The following TAB1 variants were observed in gnomAD, a reference collection of about 807,000 sequenced individuals.
TAB1 encodes TGF-beta activated kinase 1 (MAP3K7) binding protein 1.
A neutral mutation model predicts 54.5 loss-of-function variants in TAB1; 30 were observed. The ratio of observed to expected loss-of-function variants is 0.55; its 90% CI spans 0.41 to 0.75. TAB1 has a LOEUF of 0.75. TAB1 is among the 30% of genes least tolerant of loss of function. The pLI, the probability that TAB1 is intolerant of heterozygous loss-of-function variation, is 0.00. For synonymous variants in TAB1, 289 were observed against 286.9 expected (o/e 1.01, Z -0.07); for missense variants, 609 against 683.2 (o/e 0.89, Z 1.21).
chr22:39,400,445 G>A (rs983619498), intron 1 of TAB1, among the ~76,000 whole-genome samples: 54 of 151,502 alleles, frequency 3.6e-4, no homozygotes, highest in African/African-American at 1.1e-3. Context: ...AGCTGTCACT[G>A]GGTTCTGGTC....
At chr22:39,422,400 CTTTTTTTTT>C (rs965591327) in intron 8 of TAB1, among the ~76,000 whole-genome samples, 2 of 88,522 alleles carry the variant, frequency 2.3e-5, no homozygotes, top group Admixed American at 1.2e-4. Context: ...CTTCTCATTT[CTTTTTTTTT>C]TTTTTTTTTT....
chr22:39,430,408 T>G lies in TAB1; in HGVS notation c.*186T>G. The stretch of plus-strand genomic sequence containing the variant: ...GCAGACTGGACCTGTGGTTCATACC[T>G]TGTCACCACCCGGGAAGCTGAAGGC... On this transcript the variant is annotated 3_prime_UTR_variant, in exon 11 of 11. Transcript: ENST00000216160. 5 of 1,436,190 alleles carry G rather than the reference T, an allele frequency of 3.5e-6. No individual in the cohort carries two copies. The South Asian group carries it at 7.3e-5, about 21-fold the overall frequency. 89.0% of individuals were successfully genotyped at this position (1,436,190 alleles called of 1,614,324 possible).
Position 39,403,215 on chromosome 22 carries a change from C to T in TAB1, c.33+3380C>T, listed in dbSNP as rs117381085. On this transcript the variant is annotated intron_variant, in intron 1 of 10. Transcript: ENST00000216160. The stretch of plus-strand genomic sequence containing the variant: ...AGTAAAGGGGACAGACAGTGAGCAC[C>T]GAACAGATACAGATCATCTGTGATT... Among the ~76,000 whole-genome samples the T allele has an allele frequency of 6.6e-5, 10 of 152,324 alleles. No individual in the cohort carries two copies. In the East Asian group the frequency reaches 1.5e-3, roughly 23 times the overall value.
At chr22:39,431,982 G>C (rs2145687323), downstream of TAB1, 1 of 632,394 alleles carries the variant, frequency 1.6e-6, no homozygotes, top group African/African-American at 2.0e-5. Flanking sequence ...GGCTCGCCAG[G>C]CTGCTAAGTG....
downstream of TAB1, among the ~76,000 whole-genome samples, chr22:39,434,861 G>C (rs137870709): frequency 4.6e-5 from 7 of 152,332 alleles, no homozygotes; most frequent in African/African-American, 1.4e-4. Context: ...TCCTGCACTC[G>C]GCATTTCAGT....
chr22:39,417,436 T>C (rs976973977), intron 4 of TAB1, among the ~76,000 whole-genome samples: 9 of 152,142 alleles, frequency 5.9e-5, no homozygotes, highest in East Asian at 1.9e-4. Context: ...CTGGCTAACA[T>C]GGTGAAACCC....
At chr22:39,419,439 C>T in intron 6 of TAB1, 80 bp from the exon 7 acceptor site, 1 of 1,223,828 alleles carries the variant, frequency 8.2e-7, no homozygotes, top group Non-Finnish European at 1.2e-6. Context: ...GCCTTCTTCC[C>T]ATGACTGTGT....
At position 39,430,662 on chromosome 22, in the gene TAB1, T is replaced by C. The variant is rs1927550760; in HGVS notation, c.*440T>C. On this transcript the variant is annotated 3_prime_UTR_variant, in exon 11 of 11. Transcript: ENST00000216160. ...CTCCCTCACCTCGGGACAGTAGCCCTCCACTTCTCCAGCCTCTCAGCCCTG... is the reference window on the plus strand; with the variant it reads ...CTCCCTCACCTCGGGACAGTAGCCCCCCACTTCTCCAGCCTCTCAGCCCTG... 9.5e-7 allele frequency: 1 copy of C among 1,058,182 alleles called. No homozygotes were observed. Among genetic ancestry groups the C allele is most frequent in the Non-Finnish European group, 1.1e-6 (1 of 870,994 alleles). 65.5% of individuals were successfully genotyped at this position (1,058,182 alleles called of 1,614,324 possible). A position where few individuals can be genotyped will look rare whatever the true frequency, so the allele number is the denominator to read the frequency against.
intron 1 of TAB1, among the ~76,000 whole-genome samples, chr22:39,413,433 T>C (rs77705507): frequency 2.2e-4 from 34 of 152,090 alleles, no homozygotes; most frequent in African/African-American, 8.2e-4. Context: ...TTTTTTTTTT[T>C]GAGACAGAAT....
intron 4 of TAB1, 60 bp from the exon 5 acceptor site, chr22:39,417,651 G>T: frequency 2.1e-6 from 3 of 1,462,962 alleles, no homozygotes; most frequent in South Asian, 1.5e-5. Flanking sequence ...AGGGAGTGGA[G>T]AGGGCTAGGA....
intron 1 of TAB1, among the ~76,000 whole-genome samples, chr22:39,407,743 CT>C (rs1464378018): frequency 6.6e-6 from 1 of 152,176 alleles, no homozygotes; most frequent in East Asian, 1.9e-4. Context: ...TCTCGGCCTC[CT>C]AAAGTGCTCA....
intron 1 of TAB1, among the ~76,000 whole-genome samples, chr22:39,401,052 AAAAAC>A (rs1224857760): frequency 1.4e-4 from 22 of 151,842 alleles, no homozygotes; most frequent in African/African-American, 4.8e-4. Context: ...AAAAAAAAAA[AAAAAC>A]GAAAGTAAAC....
Position 39,430,866 on chromosome 22 carries a change from G to A in TAB1, c.*644G>A. 1.0e-6 allele frequency: 1 copy of A among 989,524 alleles called. No homozygotes were observed. The highest frequency in any genetic ancestry group is 1.2e-6 in the Non-Finnish European group (1 of 832,260). The allele number at this position is 989,524 out of a possible 1,614,324, so 61.3% of individuals were successfully genotyped here. On this transcript the variant is annotated 3_prime_UTR_variant, in exon 11 of 11. Coordinates refer to ENST00000216160, the MANE Select transcript of TAB1 (RefSeq NM_006116.3). The stretch of plus-strand genomic sequence containing the variant: ...GGTGGAAAGGAGCCAGGGGGAAGTG[G>A]TCTAAGAGACCTGGAACTGCCAGAG...
chr22:39,403,398 A>G (rs1199768573), intron 1 of TAB1, among the ~76,000 whole-genome samples: 2 of 152,212 alleles, frequency 1.3e-5, no homozygotes, highest in Non-Finnish European at 1.5e-5. Context: ...ATTCCTGCCC[A>G]AGGGAGCAGG....
intron 7 of TAB1, among the ~76,000 whole-genome samples, chr22:39,419,849 G>A (rs1262084624): frequency 1.3e-5 from 2 of 152,108 alleles, no homozygotes; most frequent in African/African-American, 2.4e-5. Flanking sequence ...AGTGACACAT[G>A]TGCAGTCAAA....
chr22:39,420,880 C>CTGTGTG lies in TAB1; in HGVS notation c.777-946_777-945insGTGTGT, dbSNP rs1422295272. On this transcript the variant is annotated intron_variant, in intron 7 of 10. Transcript: ENST00000216160. ...AACACCCAGGTGCTGGGGTGTCTCT[C>CTGTGTG]TCTGTGTGTGTGTGTGTGTGTGTGT... 6.0e-4 allele frequency among the ~76,000 whole-genome samples: 56 copies of CTGTGTG among 93,072 alleles called. 12 individuals carry two copies. Among genetic ancestry groups the CTGTGTG allele is most frequent in the African/African-American group, 3.0e-3 (50 of 16,544 alleles). The allele number at this position is 93,072 out of a possible 152,430, so 61.1% of individuals were successfully genotyped here.
intron 10 of TAB1, among the ~76,000 whole-genome samples, chr22:39,429,603 G>A (rs544199784): frequency 3.2e-4 from 48 of 152,092 alleles, no homozygotes; most frequent in Non-Finnish European, 5.6e-4. Flanking sequence ...TCAACCTCCC[G>A]AGCAGCTGGG....
intron 6 of TAB1, among the ~76,000 whole-genome samples, 196 bp from the exon 7 acceptor site, chr22:39,419,323 G>A (rs2145672277): frequency 6.6e-6 from 1 of 152,344 alleles, no homozygotes; most frequent in Middle Eastern, 3.4e-3. Context: ...TCTGAGTGAG[G>A]TGTGTCGTGA....
At chr22:39,422,935 CCTT>C (rs1339408871) in intron 8 of TAB1, among the ~76,000 whole-genome samples, 5 of 151,790 alleles carry the variant, frequency 3.3e-5, no homozygotes, top group African/African-American at 1.2e-4. Context: ...TGTTCCTCCT[CCTT>C]TCTGTGATTC....
Sources: allele counts gnomAD v4.1 joint callset (sites outside exome capture counted in the v4.1 genomes callset), GRCh38; gene constraint gnomAD v4.1.1; transcripts MANE v1.5; gene names NCBI Gene and HGNC (gene_info 2026-07-23, HGNC 2026-07-21).